Variants in FSTL4 observed in about 807,000 individuals in gnomAD.
FSTL4 encodes follistatin like 4.
Under a neutral mutation model 78.2 loss-of-function variants are expected in FSTL4, and 28 were observed. The ratio of observed to expected loss-of-function variants is 0.36; its 90% CI spans 0.27 to 0.49. The LOEUF is 0.49. FSTL4 is among the 20% of genes least tolerant of loss of function. FSTL4 has a pLI of 0.98. For missense variants in FSTL4, 922 were observed against 1,084.9 expected, an observed-to-expected ratio of 0.85 and a Z score of 2.11; for synonymous variants, 422 against 440.5, an observed-to-expected ratio of 0.96 and a Z score of 0.53.
intron 3 of FSTL4, among the ~76,000 whole-genome samples, chr5:133,412,018 T>C (rs1174835964): frequency 6.6e-6 from 1 of 152,104 alleles, no homozygotes; most frequent in Non-Finnish European, 1.5e-5. Context: ...ATAGGACCTA[T>C]ATAAAAAATG....
At chr5:133,735,502 G>A in the FSTL4 span, among the ~76,000 whole-genome samples, 13 of 152,034 alleles carry the variant, frequency 8.6e-5, no homozygotes, top group Admixed American at 2.6e-4. Flanking sequence ...CATTCCTCAC[G>A]ATGGCTTTTT....
chr5:133,358,332 C>A (rs1754985616), intron 4 of FSTL4, among the ~76,000 whole-genome samples: 1 of 152,156 alleles, frequency 6.6e-6, no homozygotes, highest in Non-Finnish European at 1.5e-5. Context: ...CTGACGAACA[C>A]ACTGGCCAAT....
chr5:133,564,326 T>G (rs1349710822), intron 3 of FSTL4, among the ~76,000 whole-genome samples: 1 of 152,202 alleles, frequency 6.6e-6, no homozygotes, highest in Non-Finnish European at 1.5e-5. Flanking sequence ...AATACTAAGC[T>G]TACTTGAATT....
chr5:133,314,877 A>C (rs1561668158), intron 5 of FSTL4, among the ~76,000 whole-genome samples: 1 of 152,204 alleles, frequency 6.6e-6, no homozygotes, highest in East Asian at 1.9e-4. Flanking sequence ...GAAACACACC[A>C]TGTGGCCAGG....
intron 7 of FSTL4, among the ~76,000 whole-genome samples, chr5:133,240,010 C>T (rs1751788566): frequency 6.6e-6 from 1 of 152,210 alleles, no homozygotes; most frequent in Non-Finnish European, 1.5e-5. Flanking sequence ...GGATTCCTTT[C>T]CACGCAGTGG....
the FSTL4 span, among the ~76,000 whole-genome samples, chr5:133,633,105 A>G: frequency 6.6e-6 from 1 of 152,128 alleles, no homozygotes; most frequent in Admixed American, 6.5e-5. Flanking sequence ...ATTTTCAGAA[A>G]TTTTAGAAAT....
chr5:133,785,988 G>GAAGTTA, the FSTL4 span, among the ~76,000 whole-genome samples: 1 of 152,182 alleles, frequency 6.6e-6, no homozygotes, highest in African/African-American at 2.4e-5. Context: ...TGAGGACCCT[G>GAAGTTA]AAGTTAAAGT....
the FSTL4 span, among the ~76,000 whole-genome samples, chr5:133,822,049 C>G: frequency 6.6e-6 from 1 of 152,118 alleles, no homozygotes; most frequent in African/African-American, 2.4e-5. Flanking sequence ...GATGACTTGC[C>G]TCCAAGACTC....
At chr5:133,707,388 G>A in the FSTL4 span, among the ~76,000 whole-genome samples, 4 of 152,184 alleles carry the variant, frequency 2.6e-5, no homozygotes, top group Non-Finnish European at 5.9e-5. Flanking sequence ...ATTTCAAAAG[G>A]TCAATCAATC....
At chr5:133,750,079 G>A in the FSTL4 span, among the ~76,000 whole-genome samples, 3 of 152,152 alleles carry the variant, frequency 2.0e-5, no homozygotes, top group African/African-American at 7.2e-5. Flanking sequence ...AATGGGAGGG[G>A]TGAGCTGGGG....
At chr5:133,505,894 C>CTT (rs1758602900) in intron 3 of FSTL4, among the ~76,000 whole-genome samples, 1 of 152,254 alleles carries the variant, frequency 6.6e-6, no homozygotes, top group African/African-American at 2.4e-5. Context: ...ATCAACTACA[C>CTT]TTCTTCTCAA....
chr5:133,515,157 C>A (rs1758828011), intron 3 of FSTL4, among the ~76,000 whole-genome samples: 1 of 152,106 alleles, frequency 6.6e-6, no homozygotes, highest in African/African-American at 2.4e-5. Flanking sequence ...AAATTGTCAG[C>A]ATGTTTTAGA....
chr5:133,788,745 G>T, the FSTL4 span, among the ~76,000 whole-genome samples: 295 of 152,240 alleles, frequency 1.9e-3, 2 homozygotes, highest in African/African-American at 6.9e-3. Context: ...TTTATTTACG[G>T]TTTTTGTTAA....
chr5:133,457,509 T>C (rs1260993954), intron 3 of FSTL4, among the ~76,000 whole-genome samples: 1 of 152,282 alleles, frequency 6.6e-6, no homozygotes, highest in African/African-American at 2.4e-5. Context: ...CCACTTCTGC[T>C]GCTTTCTCCT....
rs1209169513 is a variant in FSTL4, at chr5:133,349,307, G to C, written c.410-32655C>G. ...AAAGCCTCTCTCTCTGTGTGTGTGT[G>C]TGTGTGTGTGTGTGTGTGTGTGTGT... On this transcript the variant is annotated intron_variant, in intron 4 of 15. Transcript: ENST00000265342. Among the ~76,000 whole-genome samples the C allele has an allele frequency of 2.7e-3, 388 of 146,054 alleles. 2 individuals are homozygous for C. The highest frequency in any genetic ancestry group is 8.9e-3 in the African/African-American group (354 of 39,662).
chr5:133,704,150 C>T, the FSTL4 span, among the ~76,000 whole-genome samples: 1 of 152,146 alleles, frequency 6.6e-6, no homozygotes, highest in Non-Finnish European at 1.5e-5. Context: ...GCAGAGGGCC[C>T]TCTCTGGAGT....
At chr5:133,536,650 A>C (rs1213602672) in intron 3 of FSTL4, among the ~76,000 whole-genome samples, 3 of 152,138 alleles carry the variant, frequency 2.0e-5, no homozygotes, top group Non-Finnish European at 4.4e-5. Context: ...TGTATAATTT[A>C]TGTATAATAA....
In FSTL4 at chr5:133,491,573, T is replaced by C. The variant is rs529802122; in HGVS notation, c.160+75613A>G. Among the ~76,000 whole-genome samples, 3 of 152,142 alleles carry C rather than the reference T, an allele frequency of 2.0e-5. No homozygotes were observed. In the South Asian group the frequency reaches 6.2e-4, roughly 32 times the overall value. Reference sequence around the variant, plus strand: ...CGCCACCACGCCTGGCTAATTTTTTTGTATTTTTTTAGTAGAGACAGGGTT... The same window carrying C: ...CGCCACCACGCCTGGCTAATTTTTTCGTATTTTTTTAGTAGAGACAGGGTT... On this transcript the variant is annotated intron_variant, in intron 3 of 15. Transcript: ENST00000265342.
chr5:133,624,874 G>A, the FSTL4 span, among the ~76,000 whole-genome samples: 1 of 151,490 alleles, frequency 6.6e-6, no homozygotes, highest in Non-Finnish European at 1.5e-5. Flanking sequence ...TTAAACCTGT[G>A]TATCATTTTG....
Sources: gnomAD v4.1 joint callset for allele counts (sites outside exome capture counted in the v4.1 genomes callset) on GRCh38, gnomAD v4.1.1 for gene constraint, MANE v1.5 for transcripts, NCBI Gene and HGNC (gene_info 2026-07-23, HGNC 2026-07-21) for gene names.